Variants in ZNF350 observed in about 807,000 individuals in gnomAD.
ZNF350 encodes KRAB zinc finger protein ZFQR.
Under a neutral mutation model 13.1 loss-of-function variants are expected in ZNF350, and 5 were observed. That is an observed-to-expected ratio of 0.38 (90% confidence interval 0.20 to 0.80). The LOEUF is 0.80. Among genes scored for constraint, ZNF350 ranks in the 30% least tolerant of loss-of-function variants. The pLI is 0.43. For missense variants in ZNF350, 534 were observed against 644.2 expected, an observed-to-expected ratio of 0.83 and a Z score of 1.85; for synonymous variants, 199 against 224.2, an observed-to-expected ratio of 0.89 and a Z score of 1.00.
rs569458587 is a variant in ZNF350, at chr19:51,965,308, G to C, written c.1145C>G (p.Ala382Gly). The change falls in exon 5 of 5, where the codon GCC (alanine) becomes GGC (glycine). Residue 382 changes from alanine to glycine, a missense_variant. Coordinates refer to ENST00000243644, the MANE Select transcript of ZNF350 (RefSeq NM_021632.4). ...KPFECSECGK[A>G]FSTKQKLIVH... ...AATGAGCTTTTGCTTTGTGCTAAAG[G>C]CTTTCCCACATTCACTACATTCAAA... 8.1e-6 allele frequency: 13 copies of C among 1,614,000 alleles called. No homozygotes were observed. The highest frequency in any genetic ancestry group is 5.0e-5 in the Admixed American group (3 of 60,016).
At chr19:51,982,609 CA>C (rs567464127) in intron 1 of ZNF350, among the ~76,000 whole-genome samples, 23 of 152,162 alleles carry the variant, frequency 1.5e-4, no homozygotes, top group African/African-American at 5.3e-4. Flanking sequence ...TCAAGTCTCC[CA>C]AATCTACAGA....
chr19:51,985,497 A>C (rs1044250794), intron 1 of ZNF350, among the ~76,000 whole-genome samples: 5 of 152,334 alleles, frequency 3.3e-5, no homozygotes, highest in Non-Finnish European at 7.4e-5. Flanking sequence ...TCACATACAT[A>C]GTTGGCTAGA....
chr19:51,978,541 G>A (rs140161791), intron 1 of ZNF350, among the ~76,000 whole-genome samples: 1,983 of 152,150 alleles, frequency 0.013, 45 homozygotes, highest in African/African-American at 0.046. Flanking sequence ...AGAGAAATGA[G>A]GAAATAAAGG....
intron 1 of ZNF350, among the ~76,000 whole-genome samples, chr19:51,984,609 T>C (rs949167307): frequency 3.9e-5 from 6 of 152,212 alleles, no homozygotes; most frequent in African/African-American, 1.4e-4. Context: ...CATGCATTAT[T>C]CTTAATAATA....
chr19:51,968,390 A>G, intron 4 of ZNF350, 188 bp downstream of exon 4: 5 of 612,260 alleles, frequency 8.2e-6, no homozygotes, highest in Non-Finnish European at 1.4e-5. Context: ...TGAGGAGATA[A>G]AGAGTTTTTG....
intron 4 of ZNF350, among the ~76,000 whole-genome samples, chr19:51,966,729 C>CCTCCACCTCCTGAGTTCAAG: frequency 6.6e-6 from 1 of 151,646 alleles, no homozygotes. Context: ...CTCACTGCAA[C>CCTCCACCTCCTGAGTTCAAG]CTCCACCTCC....
intron 3 of ZNF350, 141 bp from the exon 4 acceptor site, chr19:51,968,814 C>G: frequency 7.1e-7 from 1 of 1,410,742 alleles, no homozygotes; most frequent in Non-Finnish European, 9.8e-7. Flanking sequence ...ATGAAAGTTT[C>G]GTTTCATATC....
rs111377928 is a variant in ZNF350 at position 51,975,780 on chromosome 19, G to A, written c.-171-1249C>T. ...TTTTGAGATGGAGTCTCACTCTGTC[G>A]CCCAGGCTGGAGTGCAATGGTGTGA... On this transcript the variant is annotated intron_variant, in intron 1 of 4. Coordinates refer to ENST00000243644, the MANE Select transcript of ZNF350 (RefSeq NM_021632.4). 4.0e-3 allele frequency among the ~76,000 whole-genome samples: 602 copies of A among 152,230 alleles called. 4 individuals carry two copies. The highest frequency in any genetic ancestry group is 0.014 in the Middle Eastern group (4 of 294).
chr19:51,965,217 C>G lies in ZNF350; in HGVS notation c.1236G>C (p.Ala412=). The part of the protein sequence containing the change: ...YGCNECGKAF[A]YMSCLVKHKR... ...TATGCTTAACCAGACACGACATATA[C>G]GCAAACGCTTTCCCACACTCGTTAC... Residue 412 remains alanine (A), a synonymous_variant, in exon 5 of 5, where the codon GCG becomes GCC. Transcript: ENST00000243644. 6.2e-7 allele frequency: 1 copy of G among 1,614,218 alleles called. No homozygotes were observed. The highest frequency in any genetic ancestry group is 1.1e-5 in the South Asian group (1 of 91,086).
intron 3 of ZNF350, 30 bp downstream of exon 3, chr19:51,968,975 C>T (rs2085655299): frequency 1.9e-6 from 3 of 1,613,806 alleles, no homozygotes; most frequent in African/African-American, 2.7e-5. Flanking sequence ...ACTAGGCACC[C>T]TCTGAGTGAC....
chr19:51,977,562 C>T (rs1054380366), intron 1 of ZNF350, among the ~76,000 whole-genome samples: 6 of 152,142 alleles, frequency 3.9e-5, no homozygotes, highest in East Asian at 1.9e-4. Flanking sequence ...GTACACAGGC[C>T]GCTAAATGCG....
intron 4 of ZNF350, among the ~76,000 whole-genome samples, chr19:51,966,777 AGCTGGGAT>A (rs532952984): frequency 3.0e-3 from 459 of 151,756 alleles, no homozygotes; most frequent in African/African-American, 0.011. Context: ...CCTCCCGAGT[AGCTGGGAT>A]TACAGGCATG....
Position 51,965,010 on chromosome 19 carries a change from G to A in ZNF350, c.1443C>T (p.Asn481=). The change falls in exon 5 of 5, where the codon AAC becomes AAT. Residue 481 remains asparagine (N), a synonymous_variant. Transcript: ENST00000243644. ...GCTGTCCCACAAGGACTACGTTCCTGTTTGCGAGGAGGCCGCTGATGTTTA... is the reference window on the plus strand; with the variant it reads ...GCTGTCCCACAAGGACTACGTTCCTATTTGCGAGGAGGCCGCTGATGTTTA... ...TSLNISGLLA[N]RNVVLVGQPV... The A allele has an allele frequency of 6.2e-7, 1 of 1,614,210 alleles. No individual in the cohort carries two copies. The highest frequency in any genetic ancestry group is 8.5e-7 in the Non-Finnish European group (1 of 1,180,042).
intron 1 of ZNF350, among the ~76,000 whole-genome samples, chr19:51,986,254 G>A (rs942415646): frequency 2.6e-5 from 4 of 152,064 alleles, no homozygotes; most frequent in Admixed American, 6.6e-5. Context: ...TTTTGCCCCA[G>A]TAACCGAGGT....
At chr19:51,967,768 T>C (rs1030890698) in intron 4 of ZNF350, among the ~76,000 whole-genome samples, 10 of 152,272 alleles carry the variant, frequency 6.6e-5, no homozygotes, top group South Asian at 2.1e-4. Flanking sequence ...AGAAGAGAGC[T>C]CTTCAGGCAG....
In ZNF350 at chr19:51,964,399, A is replaced by G. The variant is rs1247888767; in HGVS notation, c.*455T>C. 3.1e-5 allele frequency: 5 copies of G among 159,620 alleles called. No homozygotes were observed. Among genetic ancestry groups the G allele is most frequent in the Non-Finnish European group, 6.8e-5 (5 of 73,126 alleles). 9.9% of individuals were successfully genotyped at this position (159,620 alleles called of 1,614,324 possible). On this transcript the variant is annotated 3_prime_UTR_variant, in exon 5 of 5. Transcript: ENST00000243644. ...ACTAGTTTCACAGATCCCTCTGCAT[A>G]ATACAAAGTTCTGAAAGTTTATGGT...
chr19:51,966,472 CG>C (rs200304680), intron 4 of ZNF350, among the ~76,000 whole-genome samples: 4 of 151,482 alleles, frequency 2.6e-5, no homozygotes, highest in Non-Finnish European at 5.9e-5. Flanking sequence ...TTACTACAGA[CG>C]GGGTCTCACC....
chr19:51,985,148 T>C (rs1169101462), intron 1 of ZNF350, among the ~76,000 whole-genome samples: 1 of 152,172 alleles, frequency 6.6e-6, no homozygotes, highest in Non-Finnish European at 1.5e-5. Flanking sequence ...AAATTGTACA[T>C]TTAAAATATA....
At position 51,965,270 on chromosome 19, in the gene ZNF350, T is replaced by C. The variant is rs2122859619; in HGVS notation, c.1183A>G (p.Thr395Ala). ...TKQKLIVHQR[T>A]HTGERPYGCN... is the part of the protein sequence containing the mutation. ...CCATAGGGTCTCTCTCCTGTATGAG[T>C]CCTTTGATGGACAATGAGCTTTTGC... The change falls in exon 5 of 5, where the codon ACT (threonine) becomes GCT (alanine). Residue 395 changes from threonine (T) to alanine (A), a missense_variant. Thr to Ala is a moderately conservative substitution (Grantham distance 58). Transcript: ENST00000243644. The C allele has an allele frequency of 6.2e-7, 1 of 1,614,082 alleles. No individual in the cohort carries two copies. Among genetic ancestry groups the C allele is most frequent in the Non-Finnish European group, 8.5e-7 (1 of 1,179,930 alleles).
Sources: gnomAD v4.1 joint callset for allele counts (sites outside exome capture counted in the v4.1 genomes callset) on GRCh38, gnomAD v4.1.1 for gene constraint, MANE v1.5 for transcripts, NCBI Gene and HGNC (gene_info 2026-07-23, HGNC 2026-07-21) for gene names.